The following DNAH3 variants were observed in gnomAD, a reference collection of about 807,000 sequenced individuals.
DNAH3 encodes dynein axonemal heavy chain 3.
A neutral mutation model predicts 432.5 loss-of-function variants in DNAH3; 332 were observed. The ratio of observed to expected loss-of-function variants is 0.77; its 90% CI spans 0.70 to 0.84. DNAH3 has a LOEUF of 0.84. DNAH3 is among the 40% of genes least tolerant of loss of function. DNAH3 has a pLI of 0.00. For missense variants in DNAH3, 4,861 were observed against 5,114.0 expected (o/e 0.95, Z 1.51); for synonymous variants, 1,956 against 1,900.2 (o/e 1.03, Z -0.76).
At chr16:21,022,163 G>T in intron 39 of DNAH3, 63 bp from the exon 40 acceptor site, 2 of 1,563,906 alleles carry the variant, frequency 1.3e-6, no homozygotes, top group Non-Finnish European at 8.8e-7. Context: ...ACGACCAAGA[G>T]CTTGGTCTAC....
At position 20,969,270 on chromosome 16, in the gene DNAH3, CTGTGTGCATGCATG is replaced by C. The variant is rs2085215197; in HGVS notation, c.8458+508_8458+521del. 4.6e-5 allele frequency among the ~76,000 whole-genome samples: 7 copies of C among 151,266 alleles called. No individual in the cohort carries two copies. In the South Asian group the frequency reaches 1.5e-3, roughly 32 times the overall value. On this transcript the variant is annotated intron_variant, in intron 52 of 61. Transcript: ENST00000261383. The stretch of plus-strand genomic sequence containing the variant: ...CATGTATGTCTATATGTGCATGTCT[CTGTGTGCATGCATG>C]TGTGTGCATGTGTGTGTGTGTGTGC...
At chr16:20,997,594 T>TA (rs1337871865) in intron 43 of DNAH3, 132 bp from the exon 44 acceptor site, 1 of 1,026,282 alleles carries the variant, frequency 9.7e-7, no homozygotes, top group African/African-American at 1.6e-5. Context: ...AGTTAGGGCT[T>TA]AGTCAATGGA....
Position 20,958,843 on chromosome 16 carries a change from C to T in DNAH3, c.10826+336G>A, listed in dbSNP as rs184919448. Among the ~76,000 whole-genome samples, 13 of 152,270 alleles carry T rather than the reference C, an allele frequency of 8.5e-5. No homozygotes were observed. The East Asian group carries it at 1.9e-3, about 23-fold the overall frequency. ...AGTGCAGTGATACGATCCCTGCTCG[C>T]TACAACCTCTGCCTCCTGGGTTCAA... is the stretch of plus-strand genomic sequence containing the variant. On this transcript the variant is annotated intron_variant, in intron 54 of 61. Transcript: ENST00000261383.
intron 17 of DNAH3, among the ~76,000 whole-genome samples, chr16:21,097,716 T>C (rs1056411761): frequency 6.6e-6 from 1 of 152,186 alleles, no homozygotes; most frequent in South Asian, 2.1e-4. Flanking sequence ...GTTGAAACTG[T>C]AGGATAATCA....
At position 21,088,758 on chromosome 16, in the gene DNAH3, T is replaced by C. The variant is rs546884160; in HGVS notation, c.2666-1698A>G. ...CTCAGTCAAGATTCAAATATGGAGG[T>C]TGCAGGAAATATTAATAAATTCTAG... is the stretch of plus-strand genomic sequence containing the variant. On this transcript the variant is annotated intron_variant, in intron 18 of 61. Coordinates refer to ENST00000261383, the Ensembl canonical transcript of DNAH3. Among the ~76,000 whole-genome samples the C allele has an allele frequency of 5.9e-5, 9 of 152,152 alleles. No homozygotes were observed. The East Asian group carries it at 1.5e-3, about 26-fold the overall frequency.
At chr16:21,069,377 T>C (rs1229998281) in intron 23 of DNAH3, 38 bp downstream of exon 23, 1 of 1,568,974 alleles carries the variant, frequency 6.4e-7, no homozygotes, top group Non-Finnish European at 8.7e-7. Context: ...AACATTTGTA[T>C]TTCTGCTGGT....
At chr16:21,020,022 A>ATT (rs140295740) in intron 40 of DNAH3, among the ~76,000 whole-genome samples, 153 bp from the exon 41 acceptor site, 40 of 138,518 alleles carry the variant, frequency 2.9e-4, no homozygotes, top group African/African-American at 5.1e-4. Flanking sequence ...TTTCACATGC[A>ATT]TTTTTTTTTT....
At chr16:20,943,130 G>C (rs1180809835) in intron 58 of DNAH3, among the ~76,000 whole-genome samples, 9 of 151,886 alleles carry the variant, frequency 5.9e-5, no homozygotes, top group Admixed American at 5.9e-4. Context: ...GCCTAGGCTG[G>C]AGTGCAGTGG....
At chr16:21,116,604 G>A (rs779585165) in intron 12 of DNAH3, among the ~76,000 whole-genome samples, 1 of 152,152 alleles carries the variant, frequency 6.6e-6, no homozygotes, top group Non-Finnish European at 1.5e-5. Flanking sequence ...TTAGCAGCGT[G>A]AGAACGGACT....
chr16:20,988,791 C>T (rs2086361811), intron 44 of DNAH3, among the ~76,000 whole-genome samples: 1 of 151,954 alleles, frequency 6.6e-6, no homozygotes, highest in African/African-American at 2.4e-5. Flanking sequence ...TAAGGTGGCG[C>T]GTCTGGAGGT....
chr16:21,101,403 A>T (rs1057225464), intron 16 of DNAH3, among the ~76,000 whole-genome samples: 1 of 152,180 alleles, frequency 6.6e-6, no homozygotes, highest in Non-Finnish European at 1.5e-5. Flanking sequence ...ATTTCATATA[A>T]ATAAATTCCT....
chr16:21,145,631 T>C (rs2092773595), intron 2 of DNAH3, among the ~76,000 whole-genome samples: 1 of 152,216 alleles, frequency 6.6e-6, no homozygotes, highest in Non-Finnish European at 1.5e-5. Flanking sequence ...TCACCAGTAA[T>C]TTTGAGGCAG....
At chr16:21,111,570 TCG>T in intron 14 of DNAH3, 54 bp downstream of exon 14, 1 of 1,546,270 alleles carries the variant, frequency 6.5e-7, no homozygotes, top group Non-Finnish European at 8.8e-7. Flanking sequence ...GGTCACTTTT[TCG>T]TCTCCAGTTG....
intron 56 of DNAH3, among the ~76,000 whole-genome samples, chr16:20,948,916 C>T (rs976945029): frequency 6.6e-6 from 1 of 152,072 alleles, no homozygotes; most frequent in Non-Finnish European, 1.5e-5. Context: ...ACCTGCCCCA[C>T]CCCCACAACC....
At chr16:20,997,096 G>C (rs923062063) in intron 44 of DNAH3, 187 bp downstream of exon 44, 1 of 569,512 alleles carries the variant, frequency 1.8e-6, no homozygotes, top group African/African-American at 1.9e-5. Flanking sequence ...ACATCTTCTT[G>C]CCATCGTCCC....
chr16:21,012,691 T>G (rs1252351592), intron 41 of DNAH3, among the ~76,000 whole-genome samples: 1 of 152,248 alleles, frequency 6.6e-6, no homozygotes, highest in African/African-American at 2.4e-5. Flanking sequence ...AATAGAAGAC[T>G]ACATATTTTC....
Position 21,060,369 on chromosome 16 carries a change from A to G in DNAH3, c.3721-13T>C, listed in dbSNP as rs1172709662. The G allele has an allele frequency of 6.2e-7, 1 of 1,610,038 alleles. No individual in the cohort carries two copies. Among genetic ancestry groups the G allele is most frequent in the East Asian group, 2.2e-5 (1 of 44,860 alleles). ...TTTCCACCATGCCCTATGGAGCAAG[A>G]CAGAGAGAGGGTGCAGCAGTCAACC... is the stretch of plus-strand genomic sequence containing the variant. On this transcript the variant is annotated splice_polypyrimidine_tract_variant and intron_variant, in intron 25 of 61. Coordinates refer to ENST00000261383, the Ensembl canonical transcript of DNAH3.
chr16:20,973,254 CTTT>C (rs374055192), intron 51 of DNAH3, among the ~76,000 whole-genome samples: 5 of 149,512 alleles, frequency 3.3e-5, no homozygotes, highest in South Asian at 2.1e-4. Flanking sequence ...GTCTGTCATT[CTTT>C]TTTTTTTCTT....
intron 52 of DNAH3, among the ~76,000 whole-genome samples, chr16:20,969,090 G>C (rs1160882576): frequency 4.0e-4 from 15 of 37,640 alleles, no homozygotes; most frequent in South Asian, 1.3e-3. Flanking sequence ...CTTTCTCTGT[G>C]TGTGTGTGTG....
Sources: allele counts gnomAD v4.1 joint callset (sites outside exome capture counted in the v4.1 genomes callset), GRCh38; gene constraint gnomAD v4.1.1; transcripts MANE v1.5; gene names NCBI Gene and HGNC (gene_info 2026-07-23, HGNC 2026-07-21).